ST6GALNAC3: variants seen among roughly 807,000 people sequenced by gnomAD.
ST6GALNAC3 encodes the protein alpha-N-acetylgalactosaminide alpha-2,6-sialyltransferase 3.
Under a neutral mutation model 32.7 loss-of-function variants are expected in ST6GALNAC3, and 25 were observed. The ratio of observed to expected loss-of-function variants is 0.76; its 90% CI spans 0.56 to 1.07. ST6GALNAC3 has a LOEUF of 1.07. Ranked by LOEUF, ST6GALNAC3 falls within the 50% of genes least tolerant of loss-of-function variation. The probability of loss-of-function intolerance (pLI) is 0.00; values close to 1 mark genes in which losing one functional copy is unlikely to be tolerated. For missense variants in ST6GALNAC3, 355 were observed against 382.4 expected (o/e 0.93, Z 0.60); for synonymous variants, 129 against 133.1 (o/e 0.97, Z 0.21).
chr1:76,343,540 A>G (rs923059506), intron 2 of ST6GALNAC3, among the ~76,000 whole-genome samples: 3 of 152,168 alleles, frequency 2.0e-5, no homozygotes, highest in African/African-American at 2.4e-5. Flanking sequence ...GCAGAAATAA[A>G]CCAGGCATGC....
At chr1:76,531,212 C>A (rs1663232126) in intron 3 of ST6GALNAC3, among the ~76,000 whole-genome samples, 1 of 152,162 alleles carries the variant, frequency 6.6e-6, no homozygotes, top group African/African-American at 2.4e-5. Context: ...AACTCTTGGG[C>A]CGCTCAGAAA....
At chr1:76,382,223 T>G (rs1362639096) in intron 2 of ST6GALNAC3, among the ~76,000 whole-genome samples, 1 of 152,152 alleles carries the variant, frequency 6.6e-6, no homozygotes, top group African/African-American at 2.4e-5. Flanking sequence ...TGATAGGCAA[T>G]AGAACATTAC....
intron 2 of ST6GALNAC3, among the ~76,000 whole-genome samples, chr1:76,319,500 G>T (rs559234867): frequency 6.6e-6 from 1 of 152,244 alleles, no homozygotes; most frequent in South Asian, 2.1e-4. Context: ...TTAAGGAAGA[G>T]AGCTGACTTT....
chr1:76,225,370 G>A (rs960902663), intron 1 of ST6GALNAC3, among the ~76,000 whole-genome samples: 1 of 152,092 alleles, frequency 6.6e-6, no homozygotes, highest in African/African-American at 2.4e-5. Context: ...AATGTATTGT[G>A]CTTTTTAAGT....
At chr1:76,235,634 T>C (rs1464028861) in intron 1 of ST6GALNAC3, among the ~76,000 whole-genome samples, 1 of 151,462 alleles carries the variant, frequency 6.6e-6, no homozygotes, top group East Asian at 1.9e-4. Context: ...TGCCTCAGTT[T>C]CCCTATCTTT....
intron 1 of ST6GALNAC3, among the ~76,000 whole-genome samples, chr1:76,296,710 G>C (rs1660426513): frequency 6.6e-6 from 1 of 152,044 alleles, no homozygotes; most frequent in Non-Finnish European, 1.5e-5. Flanking sequence ...TGACATAGTG[G>C]CAACCAAAAC....
chr1:76,093,670 T>C (rs1220030457), intron 1 of ST6GALNAC3, among the ~76,000 whole-genome samples: 3 of 152,176 alleles, frequency 2.0e-5, no homozygotes, highest in Non-Finnish European at 4.4e-5. Context: ...AGACAGGATA[T>C]AAATCCTCCT....
intron 3 of ST6GALNAC3, among the ~76,000 whole-genome samples, chr1:76,497,975 T>C (rs1242653447): frequency 6.6e-6 from 1 of 152,174 alleles, no homozygotes; most frequent in Admixed American, 6.5e-5. Flanking sequence ...TTTGACTGCA[T>C]TGATCAGGGA....
chr1:76,204,991 G>C (rs923619037), intron 1 of ST6GALNAC3, among the ~76,000 whole-genome samples: 1 of 152,162 alleles, frequency 6.6e-6, no homozygotes, highest in African/African-American at 2.4e-5. Context: ...GTAAATGTCA[G>C]CAATTCTATA....
intron 2 of ST6GALNAC3, among the ~76,000 whole-genome samples, chr1:76,357,117 T>C (rs1649522689): frequency 8.2e-6 from 1 of 122,564 alleles, no homozygotes; most frequent in African/African-American, 3.1e-5. Context: ...GTTTTCTTTT[T>C]TCTTTTCTTT....
At position 76,358,534 on chromosome 1, in the gene ST6GALNAC3, A is replaced by T. The variant is rs145195110; in HGVS notation, c.213+44535A>T. Among the ~76,000 whole-genome samples the T allele has an allele frequency of 8.2e-3, 1,255 of 152,214 alleles. 14 individuals carry two copies. Among genetic ancestry groups the T allele is most frequent in the Non-Finnish European group, 9.9e-3 (670 of 68,016 alleles). The stretch of plus-strand genomic sequence containing the variant: ...TCTAAAATCTACTTAGAGATAGATC[A>T]TTTCCTCATATAGGACACCATTGTC... On this transcript the variant is annotated intron_variant, in intron 2 of 4. Coordinates refer to ENST00000328299, the MANE Select transcript of ST6GALNAC3 (RefSeq NM_152996.4).
chr1:76,137,307 G>C (rs1417805072), intron 1 of ST6GALNAC3, among the ~76,000 whole-genome samples: 2 of 152,198 alleles, frequency 1.3e-5, no homozygotes, highest in Admixed American at 1.3e-4. Context: ...GCTGTTAGCC[G>C]TGCTATGGAT....
At chr1:76,294,431 G>A (rs1043158271) in intron 1 of ST6GALNAC3, among the ~76,000 whole-genome samples, 1 of 151,670 alleles carries the variant, frequency 6.6e-6, no homozygotes, top group Admixed American at 6.6e-5. Context: ...CCTCACTATT[G>A]TTTAACTGCA....
At chr1:76,137,736 T>C (rs1650040849) in intron 1 of ST6GALNAC3, among the ~76,000 whole-genome samples, 1 of 152,198 alleles carries the variant, frequency 6.6e-6, no homozygotes, top group South Asian at 2.1e-4. Context: ...AAGATGGTGA[T>C]TCTCCAGGCT....
At chr1:76,149,832 T>C (rs1650929558) in intron 1 of ST6GALNAC3, among the ~76,000 whole-genome samples, 1 of 152,240 alleles carries the variant, frequency 6.6e-6, no homozygotes, top group Admixed American at 6.5e-5. Flanking sequence ...TTCATTCCTT[T>C]GGATATGTAC....
intron 3 of ST6GALNAC3, among the ~76,000 whole-genome samples, chr1:76,587,448 C>G (rs1646979286): frequency 6.6e-6 from 1 of 152,172 alleles, no homozygotes; most frequent in South Asian, 2.1e-4. Flanking sequence ...GCAAAGTTCT[C>G]TAGATGCTGA....
At chr1:76,125,463 C>T (rs1177650065) in intron 1 of ST6GALNAC3, among the ~76,000 whole-genome samples, 1 of 152,160 alleles carries the variant, frequency 6.6e-6, no homozygotes, top group Non-Finnish European at 1.5e-5. Context: ...CCTCACAGTT[C>T]TGACCCCTCC....
intron 3 of ST6GALNAC3, among the ~76,000 whole-genome samples, chr1:76,514,313 T>G (rs1662043184): frequency 6.6e-6 from 1 of 152,156 alleles, no homozygotes. Context: ...TTTCTCCATT[T>G]ATTTAAATGA....
chr1:76,517,151 T>G lies in ST6GALNAC3; in HGVS notation c.623+104734T>G, dbSNP rs923000640. 2.0e-5 allele frequency among the ~76,000 whole-genome samples: 3 copies of G among 151,992 alleles called. No individual in the cohort carries two copies. In the South Asian group the frequency reaches 6.2e-4, roughly 32 times the overall value. On this transcript the variant is annotated intron_variant, in intron 3 of 4. Coordinates refer to ENST00000328299, the MANE Select transcript of ST6GALNAC3 (RefSeq NM_152996.4). ...GATTAATAATCATTAGGATTTTGAT[T>G]GAAATTTTATCTATAGATTTATATA...
Sources: allele counts gnomAD v4.1 joint callset (sites outside exome capture counted in the v4.1 genomes callset), GRCh38; gene constraint gnomAD v4.1.1; transcripts MANE v1.5; gene names NCBI Gene and HGNC (gene_info 2026-07-23, HGNC 2026-07-21).